FOXN3: variants seen among roughly 807,000 people sequenced by gnomAD.
FOXN3 encodes forkhead box N3.
FOXN3 carries 7 observed loss-of-function variants against 38.4 expected under a neutral mutation model. That is an observed-to-expected ratio of 0.18 (90% CI 0.10 to 0.34). FOXN3 has a LOEUF of 0.34. FOXN3 is among the 10% of genes least tolerant of loss of function. The pLI, the probability that FOXN3 is intolerant of heterozygous loss-of-function variation, is 1.00. For synonymous variants in FOXN3, 230 were observed against 242.2 expected (o/e 0.95, Z 0.47); for missense variants, 456 against 613.4 (o/e 0.74, Z 2.71).
In FOXN3 at chr14:89,535,525, A is replaced by G. The variant is rs573765224; in HGVS notation, c.-15+83503T>C. ...TAATGCAGCCTTTTTTTCACCCAGC[A>G]GTGACCTAGTACAGAGAAAATACAG... is the stretch of plus-strand genomic sequence containing the variant. On this transcript the variant is annotated intron_variant, in intron 1 of 6. Coordinates refer to the FOXN3 transcript ENST00000345097. Among the ~76,000 whole-genome samples, 22 of 152,282 alleles carry G rather than the reference A, an allele frequency of 1.4e-4. No individual in the cohort carries two copies. In the East Asian group the frequency reaches 4.0e-3, roughly 28 times the overall value.
intron 3 of FOXN3, among the ~76,000 whole-genome samples, chr14:89,305,226 G>C (rs1887337855): frequency 6.6e-6 from 1 of 152,120 alleles, no homozygotes; most frequent in African/African-American, 2.4e-5. Flanking sequence ...TGAACTCGCG[G>C]CTCCTGCTTA....
At chr14:89,208,171 A>C (rs2139827941) in intron 4 of FOXN3, among the ~76,000 whole-genome samples, 1 of 152,304 alleles carries the variant, frequency 6.6e-6, no homozygotes, top group South Asian at 2.1e-4. Context: ...ACAGTATCCA[A>C]ATTGACCTCT....
chr14:89,352,778 G>A (rs145634938), intron 2 of FOXN3, among the ~76,000 whole-genome samples: 81 of 152,268 alleles, frequency 5.3e-4, no homozygotes, highest in African/African-American at 1.8e-3. Flanking sequence ...AAGGACAACC[G>A]GTTGGCCTTC....
At chr14:89,192,305 A>G (rs770833905) in intron 4 of FOXN3, among the ~76,000 whole-genome samples, 2 of 146,354 alleles carry the variant, frequency 1.4e-5, no homozygotes, top group Non-Finnish European at 3.0e-5. Flanking sequence ...AACTATGCAT[A>G]CTATTATATA....
intron 4 of FOXN3, among the ~76,000 whole-genome samples, chr14:89,226,516 T>G (rs902065318): frequency 1.3e-5 from 2 of 152,130 alleles, no homozygotes; most frequent in African/African-American, 4.8e-5. Context: ...CCTCAAGCGA[T>G]TATAGGCATG....
rs945737336 is a variant in FOXN3, at chr14:89,156,632, T to C, written c.*5782A>G. ...ACCTCTTGGTCTTCTGATTGCTTTA[T>C]CACTTTTTTTTTTTTTCTGTAAAAC... is the stretch of plus-strand genomic sequence containing the variant. On this transcript the variant is annotated 3_prime_UTR_variant, in exon 6 of 6. Coordinates refer to ENST00000557258, the MANE Select transcript of FOXN3 (RefSeq NM_005197.4). The C allele has an allele frequency of 1.2e-4, 18 of 151,760 alleles. No homozygotes were observed. Among genetic ancestry groups the C allele is most frequent in the Non-Finnish European group, 2.4e-4 (16 of 67,986 alleles). The allele number at this position is 151,760 out of a possible 1,614,324, so 9.4% of individuals were successfully genotyped here.
At chr14:89,452,875 T>C (rs942530184) in intron 1 of FOXN3, among the ~76,000 whole-genome samples, 19 of 152,196 alleles carry the variant, frequency 1.2e-4, no homozygotes, top group African/African-American at 4.6e-4. Context: ...CTCCTTGTAC[T>C]TTGGTGTAAG....
intron 3 of FOXN3, among the ~76,000 whole-genome samples, chr14:89,346,749 A>T (rs577357601): frequency 6.6e-6 from 1 of 152,206 alleles, no homozygotes; most frequent in South Asian, 2.1e-4. Flanking sequence ...AGGAGTGGAG[A>T]GTTCCGTCCC....
chr14:89,497,988 A>G lies in FOXN3; in HGVS notation c.-14-85498T>C, dbSNP rs1893720193. Among the ~76,000 whole-genome samples, 3 of 151,510 alleles carry G rather than the reference A, an allele frequency of 2.0e-5. No homozygotes were observed. The South Asian group carries it at 6.2e-4, about 32-fold the overall frequency. On this transcript the variant is annotated intron_variant, in intron 1 of 6. Coordinates refer to the FOXN3 transcript ENST00000345097. ...CAGTATCTCACTAATTTCGATTTGC[A>G]TTTCTCCCCAATGATTAGTGACATT...
At chr14:89,546,334 T>C (rs1334373830) in intron 1 of FOXN3, among the ~76,000 whole-genome samples, 6 of 118,346 alleles carry the variant, frequency 5.1e-5, no homozygotes, top group Non-Finnish European at 1.1e-4. Flanking sequence ...TTTTTCTTTT[T>C]TTTTTTTTTT....
intron 3 of FOXN3, among the ~76,000 whole-genome samples, chr14:89,297,054 G>A (rs936141832): frequency 6.6e-6 from 1 of 152,152 alleles, no homozygotes; most frequent in Non-Finnish European, 1.5e-5. Context: ...CCTGTCCAAA[G>A]TGCCAGATAT....
intron 1 of FOXN3, among the ~76,000 whole-genome samples, chr14:89,462,496 T>C (rs1239986632): frequency 1.3e-5 from 2 of 151,984 alleles, no homozygotes; most frequent in Non-Finnish European, 2.9e-5. Flanking sequence ...GAATCATTTA[T>C]AAAGAAAAGG....
intron 3 of FOXN3, among the ~76,000 whole-genome samples, chr14:89,300,866 G>A (rs1447189557): frequency 6.6e-6 from 1 of 152,098 alleles, no homozygotes. Context: ...GCACAATCTC[G>A]GCTCACTGCA....
chr14:89,322,413 C>T (rs900728468), intron 3 of FOXN3, among the ~76,000 whole-genome samples: 4 of 152,122 alleles, frequency 2.6e-5, no homozygotes, highest in Non-Finnish European at 5.9e-5. Flanking sequence ...AGAGAGGATA[C>T]GGGCTCCTGC....
intron 3 of FOXN3, among the ~76,000 whole-genome samples, chr14:89,302,673 C>T (rs1160069344): frequency 6.6e-6 from 1 of 152,158 alleles, no homozygotes; most frequent in Non-Finnish European, 1.5e-5. Flanking sequence ...CTCTTCAATG[C>T]TACCTGGCCT....
chr14:89,541,618 CTCTG>C (rs935358322), intron 1 of FOXN3, among the ~76,000 whole-genome samples: 3 of 152,318 alleles, frequency 2.0e-5, no homozygotes, highest in East Asian at 1.9e-4. Flanking sequence ...CTCGCAGCTG[CTCTG>C]TCTATGGAAT....
At chr14:89,455,346 G>C (rs1296066772) in intron 1 of FOXN3, among the ~76,000 whole-genome samples, 1 of 152,200 alleles carries the variant, frequency 6.6e-6, no homozygotes, top group Non-Finnish European at 1.5e-5. Flanking sequence ...AACCGTCAAA[G>C]GGTTTTTGAC....
chr14:89,312,628 A>G (rs1887592288), intron 3 of FOXN3, among the ~76,000 whole-genome samples: 2 of 152,150 alleles, frequency 1.3e-5, no homozygotes, highest in African/African-American at 2.4e-5. Context: ...CAGCCCACCA[A>G]TAAAAGGACT....
intron 1 of FOXN3, among the ~76,000 whole-genome samples, chr14:89,557,938 G>A (rs563058978): frequency 3.3e-5 from 5 of 152,196 alleles, no homozygotes; most frequent in East Asian, 1.9e-4. Context: ...CCAGGGAAGC[G>A]GAGGTTGCAG....
Sources: allele counts gnomAD v4.1 joint callset (sites outside exome capture counted in the v4.1 genomes callset), GRCh38; gene constraint gnomAD v4.1.1; transcripts MANE v1.5; gene names NCBI Gene and HGNC (gene_info 2026-07-23, HGNC 2026-07-21).